The following BABAM2 variants were observed in gnomAD, a reference collection of about 807,000 sequenced individuals.
BABAM2 encodes BRISC and BRCA1-A complex member 2.
A neutral mutation model predicts 54.7 loss-of-function variants in BABAM2; 31 were observed. That is an observed-to-expected ratio of 0.57 (90% CI 0.43 to 0.77). The LOEUF (loss-of-function observed/expected upper bound fraction) is 0.77. BABAM2 is among the 30% of genes least tolerant of loss of function. The pLI, the probability that BABAM2 is intolerant of heterozygous loss-of-function variation, is 0.00. For synonymous variants in BABAM2, 167 were observed against 162.9 expected, an observed-to-expected ratio of 1.03 and a Z score of -0.19; for missense variants, 364 against 455.8, an observed-to-expected ratio of 0.80 and a Z score of 1.83.
At chr2:27,988,206 T>A in intron 4 of BABAM2, 119 bp downstream of exon 4, 1 of 903,474 alleles carries the variant, frequency 1.1e-6, no homozygotes, top group Non-Finnish European at 1.8e-6. Context: ...CCCACCCCTC[T>A]TTTCTCTGTC....
chr2:28,222,329 G>T (rs973076190), intron 7 of BABAM2, among the ~76,000 whole-genome samples: 1 of 152,088 alleles, frequency 6.6e-6, no homozygotes, highest in African/African-American at 2.4e-5. Flanking sequence ...CCTCATGTCG[G>T]GGTCCTTAAC....
chr2:28,335,154 C>CTTTTTTTTTTTTTTTTTTT (rs56135926), intron 11 of BABAM2, among the ~76,000 whole-genome samples: 3 of 71,524 alleles, frequency 4.2e-5, no homozygotes, highest in African/African-American at 6.1e-5. Context: ...CTCCCACCTT[C>CTTTTTTTTTTTTTTTTTTT]TTTTTTTTTT....
At position 28,338,594 on chromosome 2, in the gene BABAM2, G is replaced by GACATT; in HGVS notation, c.*81_*82insACATT. On this transcript the variant is annotated 3_prime_UTR_variant, in exon 12 of 12. Coordinates refer to ENST00000379624, the MANE Select transcript of BABAM2 (RefSeq NM_199191.3). ...CACATACAGCCGCTTCCTGGAAGCCGCCTGGAATGTCTTCACGGCAGCGTT... is the reference window on the plus strand; with the variant it reads ...CACATACAGCCGCTTCCTGGAAGCCGACATTCCTGGAATGTCTTCACGGCAGCGTT... 2 of 1,509,680 alleles carry GACATT rather than the reference G, an allele frequency of 1.3e-6. No individual in the cohort carries two copies. The highest frequency in any genetic ancestry group is 9.2e-7 in the Non-Finnish European group (1 of 1,087,638). 93.5% of individuals were successfully genotyped at this position (1,509,680 alleles called of 1,614,324 possible).
chr2:28,170,439 G>T (rs756570803), intron 7 of BABAM2, among the ~76,000 whole-genome samples: 1 of 151,844 alleles, frequency 6.6e-6, no homozygotes, highest in Non-Finnish European at 1.5e-5. Flanking sequence ...CCAATATTTT[G>T]ACTTACTCTG....
At chr2:28,142,832 A>G (rs1671176196) in intron 7 of BABAM2, among the ~76,000 whole-genome samples, 1 of 152,116 alleles carries the variant, frequency 6.6e-6, no homozygotes, top group Non-Finnish European at 1.5e-5. Context: ...ATCATCATAT[A>G]TTATTCCTTG....
rs1360883175 is a variant in BABAM2, at chr2:28,196,321, C to CGTCTCAAAAAAAAAAAAAAAAA, written c.681-40881_681-40880insGTCTCAAAAAAAAAAAAAAAAA. Reference sequence around the variant, plus strand: ...CAGCCTGGGCAACAGAGCAAGACTCCATATAAAAAAAAAATGAATTTTTTA... The same window carrying CGTCTCAAAAAAAAAAAAAAAAA: ...CAGCCTGGGCAACAGAGCAAGACTCCGTCTCAAAAAAAAAAAAAAAAAATATAAAAAAAAAATGAATTTTTTA... On this transcript the variant is annotated intron_variant, in intron 7 of 11. Transcript: ENST00000379624. Among the ~76,000 whole-genome samples, 15 of 107,554 alleles carry CGTCTCAAAAAAAAAAAAAAAAA rather than the reference C, an allele frequency of 1.4e-4. 1 individual carries two copies. Among genetic ancestry groups the CGTCTCAAAAAAAAAAAAAAAAA allele is most frequent in the Admixed American group, 2.9e-4 (3 of 10,240 alleles). 70.6% of individuals were successfully genotyped at this position (107,554 alleles called of 152,430 possible).
At chr2:28,162,069 C>T (rs1419226253) in intron 7 of BABAM2, among the ~76,000 whole-genome samples, 1 of 152,136 alleles carries the variant, frequency 6.6e-6, no homozygotes, top group African/African-American at 2.4e-5. Flanking sequence ...AGAATAAATA[C>T]TAGTGATTTC....
chr2:28,216,693 G>A (rs940413642), intron 7 of BABAM2, among the ~76,000 whole-genome samples: 1 of 152,162 alleles, frequency 6.6e-6, no homozygotes, highest in African/African-American at 2.4e-5. Context: ...AGCACCTACT[G>A]TGTAGAGAGC....
intron 3 of BABAM2, among the ~76,000 whole-genome samples, chr2:27,967,283 C>T (rs1670900988): frequency 6.6e-6 from 1 of 152,090 alleles, no homozygotes; most frequent in Admixed American, 6.5e-5. Flanking sequence ...CCATGCTGTT[C>T]TCGTGATGCT....
In BABAM2 at chr2:27,972,983, G is replaced by A. The variant is rs769844886; in HGVS notation, c.206-15010G>A. ...GGATTTCATCATGTTGGCCAGGCTG[G>A]TTTTGAACTCCTGACCTCAGATGAT... On this transcript the variant is annotated intron_variant, in intron 3 of 11. Transcript: ENST00000379624. 1.5e-4 allele frequency among the ~76,000 whole-genome samples: 23 copies of A among 151,680 alleles called. 1 individual carries two copies. The highest frequency in any genetic ancestry group is 2.5e-4 in the Non-Finnish European group (17 of 67,938).
intron 11 of BABAM2, among the ~76,000 whole-genome samples, chr2:28,313,032 A>C (rs1314074757): frequency 6.6e-6 from 1 of 152,150 alleles, no homozygotes; most frequent in Admixed American, 6.5e-5. Flanking sequence ...CAGGAGCAGC[A>C]CAGAATCATC....
intron 3 of BABAM2, among the ~76,000 whole-genome samples, chr2:27,939,331 C>T (rs935512960): frequency 5.9e-5 from 9 of 152,146 alleles, no homozygotes; most frequent in African/African-American, 2.2e-4. Context: ...TATTTCATAA[C>T]TTAAGCTCAA....
At chr2:28,150,663 C>G (rs1227324223) in intron 7 of BABAM2, among the ~76,000 whole-genome samples, 1 of 152,214 alleles carries the variant, frequency 6.6e-6, no homozygotes, top group Non-Finnish European at 1.5e-5. Flanking sequence ...CTGTGCTTCT[C>G]TCTTGGAAAG....
rs115548002 is a variant in BABAM2 at position 27,964,462 on chromosome 2, G to T, written c.206-23531G>T. ...ATGAAAAAATTATCTGCGATGTATA[G>T]TATGAACCAATAATGTAGTGCAATT... is the stretch of plus-strand genomic sequence containing the variant. On this transcript the variant is annotated intron_variant, in intron 3 of 11. Transcript: ENST00000379624. 5.2e-3 allele frequency among the ~76,000 whole-genome samples: 795 copies of T among 152,284 alleles called. 6 individuals carry two copies. Among genetic ancestry groups the T allele is most frequent in the African/African-American group, 0.018 (749 of 41,532 alleles).
chr2:28,174,581 GA>G (rs75697940), intron 7 of BABAM2, among the ~76,000 whole-genome samples: 35,984 of 152,120 alleles, frequency 0.24, 4,384 homozygotes, highest in South Asian at 0.41. Context: ...TCAGTGTGGG[GA>G]AAGGGGGAGA....
At chr2:27,966,957 C>T (rs1670882914) in intron 3 of BABAM2, among the ~76,000 whole-genome samples, 1 of 152,176 alleles carries the variant, frequency 6.6e-6, no homozygotes, top group Admixed American at 6.5e-5. Context: ...AGACTAAGTG[C>T]TCTCTTCTTG....
chr2:28,150,343 G>A (rs1671906415), intron 7 of BABAM2, among the ~76,000 whole-genome samples: 1 of 152,100 alleles, frequency 6.6e-6, no homozygotes, highest in Non-Finnish European at 1.5e-5. Context: ...CCCTTTGCAG[G>A]GTATCTTACA....
intron 7 of BABAM2, among the ~76,000 whole-genome samples, chr2:28,171,292 C>T (rs981147514): frequency 1.4e-4 from 21 of 152,312 alleles, no homozygotes; most frequent in Non-Finnish European, 2.9e-4. Flanking sequence ...ATAGTCGTGT[C>T]TGTCAAATGA....
At chr2:28,047,231 A>G (rs1456672140) in intron 6 of BABAM2, among the ~76,000 whole-genome samples, 2 of 152,284 alleles carry the variant, frequency 1.3e-5, no homozygotes, top group Middle Eastern at 3.4e-3. Context: ...AAATATATAT[A>G]TTAGATTTGT....
Sources: gnomAD v4.1 joint callset for allele counts (sites outside exome capture counted in the v4.1 genomes callset) on GRCh38, gnomAD v4.1.1 for gene constraint, MANE v1.5 for transcripts, NCBI Gene and HGNC (gene_info 2026-07-23, HGNC 2026-07-21) for gene names.